The following JARID2 variants were observed in gnomAD, a reference collection of about 807,000 sequenced individuals.
JARID2 encodes the protein protein Jumonji.
JARID2 carries 21 observed loss-of-function variants against 125.6 expected under a neutral mutation model. The observed-to-expected ratio is 0.17, with a 90% CI of 0.12 to 0.24. The LOEUF is 0.24. JARID2 is among the 10% of genes least tolerant of loss of function. JARID2 has a pLI of 1.00. For missense variants in JARID2, 1,303 were observed against 1,639.6 expected, an observed-to-expected ratio of 0.79 and a Z score of 3.55; for synonymous variants, 736 against 661.6, an observed-to-expected ratio of 1.11 and a Z score of -1.73.
chr6:15,324,748 C>T (rs1314549865), intron 1 of JARID2, among the ~76,000 whole-genome samples: 2 of 151,276 alleles, frequency 1.3e-5, no homozygotes, highest in Non-Finnish European at 2.9e-5. Context: ...CTCGGCCTCT[C>T]ACAGTGCTGG....
chr6:15,437,479 A>G (rs1000906900), intron 3 of JARID2, among the ~76,000 whole-genome samples: 6 of 152,124 alleles, frequency 3.9e-5, no homozygotes, highest in East Asian at 3.9e-4. Flanking sequence ...AGGGTTGTCT[A>G]TCTGCAGTGC....
intron 1 of JARID2, among the ~76,000 whole-genome samples, chr6:15,337,116 C>G (rs756356473): frequency 6.6e-6 from 1 of 152,106 alleles, no homozygotes; most frequent in African/African-American, 2.4e-5. Flanking sequence ...CATCTCTTTC[C>G]TGCGGCTGAG....
chr6:15,520,349 A>G lies in JARID2; in HGVS notation c.*98A>G. ...GTAGGATTCAAGCTGTCTTTGCACTAGCTCTAAAGAAGATTTTCTTCTGGT... is the reference window on the plus strand; with the variant it reads ...GTAGGATTCAAGCTGTCTTTGCACTGGCTCTAAAGAAGATTTTCTTCTGGT... On this transcript the variant is annotated 3_prime_UTR_variant, in exon 18 of 18. Coordinates refer to ENST00000341776, the MANE Select transcript of JARID2 (RefSeq NM_004973.4). 3 of 875,474 alleles carry G rather than the reference A, an allele frequency of 3.4e-6. No individual in the cohort carries two copies. The highest frequency in any genetic ancestry group is 6.9e-5 in the Admixed American group (2 of 28,846). The allele number at this position is 875,474 out of a possible 1,614,324, so 54.2% of individuals were successfully genotyped here. A position where few individuals can be genotyped will look rare whatever the true frequency, so the allele number is the denominator to read the frequency against.
intron 2 of JARID2, among the ~76,000 whole-genome samples, chr6:15,390,369 G>T (rs576225022): frequency 6.6e-6 from 1 of 152,188 alleles, no homozygotes; most frequent in Admixed American, 6.5e-5. Flanking sequence ...GTTCATCGCC[G>T]CACTGCCGCA....
chr6:15,359,515 C>A (rs113117007), intron 1 of JARID2, among the ~76,000 whole-genome samples: 12 of 152,068 alleles, frequency 7.9e-5, no homozygotes, highest in Non-Finnish European at 1.8e-4. Flanking sequence ...TAGCTACCCG[C>A]GTGGGCAGGC....
chr6:15,481,068 C>A (rs1769590903), intron 5 of JARID2, among the ~76,000 whole-genome samples: 1 of 152,208 alleles, frequency 6.6e-6, no homozygotes, highest in African/African-American at 2.4e-5. Flanking sequence ...AAAGTAACTT[C>A]TTTTGCCCAT....
intron 5 of JARID2, 136 bp downstream of exon 5, chr6:15,468,854 G>A (rs1581606988): frequency 2.6e-6 from 2 of 771,788 alleles, no homozygotes; most frequent in East Asian, 2.7e-5. Flanking sequence ...ACACTTCATG[G>A]GCAAAGGGAT....
At chr6:15,267,235 A>C (rs1317690011) in intron 1 of JARID2, among the ~76,000 whole-genome samples, 1 of 152,206 alleles carries the variant, frequency 6.6e-6, no homozygotes, top group Non-Finnish European at 1.5e-5. Flanking sequence ...TTACTCTCCT[A>C]AACTATTCTC....
chr6:15,280,114 T>C (rs938249044), intron 1 of JARID2, among the ~76,000 whole-genome samples: 9 of 152,202 alleles, frequency 5.9e-5, no homozygotes, highest in Non-Finnish European at 1.3e-4. Context: ...TCCGTGACTT[T>C]GGAAATTTTG....
intron 1 of JARID2, among the ~76,000 whole-genome samples, chr6:15,344,563 G>A (rs1287992694): frequency 1.3e-5 from 2 of 150,892 alleles, no homozygotes; most frequent in African/African-American, 2.4e-5. Context: ...GTTAGGTTGT[G>A]CAAGCATCAC....
chr6:15,504,621 C>G (rs760441570), intron 9 of JARID2, 29 bp downstream of exon 9: 75 of 1,475,828 alleles, frequency 5.1e-5, no homozygotes, highest in Non-Finnish European at 7.1e-5. Flanking sequence ...CACGCTGCCT[C>G]TCATGGTGTG....
intron 1 of JARID2, among the ~76,000 whole-genome samples, chr6:15,315,236 A>G (rs1209710520): frequency 6.6e-6 from 1 of 152,264 alleles, no homozygotes; most frequent in South Asian, 2.1e-4. Context: ...TCTGCCAGAA[A>G]GAAGAGTTTA....
intron 1 of JARID2, among the ~76,000 whole-genome samples, chr6:15,325,094 TTTAAC>T (rs1762494615): frequency 6.6e-6 from 1 of 152,168 alleles, no homozygotes; most frequent in Non-Finnish European, 1.5e-5. Flanking sequence ...ACTTGATTTT[TTTAAC>T]TTAATTTAGT....
intron 1 of JARID2, among the ~76,000 whole-genome samples, chr6:15,272,224 C>A (rs1302825252): frequency 6.6e-6 from 1 of 152,164 alleles, no homozygotes; most frequent in Non-Finnish European, 1.5e-5. Flanking sequence ...GCCCCGTGGC[C>A]CTCTATGTTG....
intron 2 of JARID2, among the ~76,000 whole-genome samples, chr6:15,387,855 A>G (rs978447191): frequency 6.6e-6 from 1 of 152,130 alleles, no homozygotes; most frequent in African/African-American, 2.4e-5. Context: ...TTGGGGAAGC[A>G]TTGTGGAATT....
chr6:15,415,461 C>CTCCT (rs1766111875), intron 3 of JARID2, among the ~76,000 whole-genome samples: 1 of 147,932 alleles, frequency 6.8e-6, no homozygotes, highest in Admixed American at 6.7e-5. Flanking sequence ...CCCCACCTCC[C>CTCCT]TCCCGCACGG....
intron 17 of JARID2, among the ~76,000 whole-genome samples, chr6:15,518,264 C>T (rs577942322): frequency 4.6e-5 from 7 of 152,294 alleles, no homozygotes; most frequent in East Asian, 1.9e-4. Context: ...GCCTGGAAAG[C>T]GCTCTGTGAA....
At chr6:15,376,330 C>G (rs896367494) in intron 2 of JARID2, among the ~76,000 whole-genome samples, 1 of 152,148 alleles carries the variant, frequency 6.6e-6, no homozygotes, top group Non-Finnish European at 1.5e-5. Flanking sequence ...GGCAGCGTTC[C>G]AAGGTTACCT....
At chr6:15,276,610 TC>T (rs1426145786) in intron 1 of JARID2, among the ~76,000 whole-genome samples, 6 of 152,230 alleles carry the variant, frequency 3.9e-5, no homozygotes, top group African/African-American at 1.4e-4. Flanking sequence ...CCCATGACTT[TC>T]TAGAAGCCCT....
Sources: allele counts gnomAD v4.1 joint callset (sites outside exome capture counted in the v4.1 genomes callset), GRCh38; gene constraint gnomAD v4.1.1; transcripts MANE v1.5; gene names NCBI Gene and HGNC (gene_info 2026-07-23, HGNC 2026-07-21).